Variants in DOK6 observed in about 807,000 individuals in gnomAD.
DOK6 encodes docking protein 6.
DOK6 carries 22 observed loss-of-function variants against 44.0 expected under a neutral mutation model. The ratio of observed to expected loss-of-function variants is 0.50; its 90% CI spans 0.36 to 0.71. The LOEUF (loss-of-function observed/expected upper bound fraction) is 0.71. Among genes scored for constraint, DOK6 ranks in the 30% least tolerant of loss-of-function variants. The pLI is 0.00. For missense variants in DOK6, 340 were observed against 416.4 expected (o/e 0.82, Z 1.60); for synonymous variants, 166 against 145.5 (o/e 1.14, Z -1.01).
At chr18:69,495,948 C>T (rs999456820) in intron 1 of DOK6, among the ~76,000 whole-genome samples, 1 of 152,176 alleles carries the variant, frequency 6.6e-6, no homozygotes, top group South Asian at 2.1e-4. Context: ...GAGATTTGAG[C>T]GGGTGCCGGG....
chr18:69,699,327 A>G (rs1986459739), intron 5 of DOK6, among the ~76,000 whole-genome samples: 1 of 152,208 alleles, frequency 6.6e-6, no homozygotes, highest in African/African-American at 2.4e-5. Context: ...AGGCAATTAT[A>G]GTGAAGTTTT....
At chr18:69,513,406 A>G (rs1355843399) in intron 1 of DOK6, among the ~76,000 whole-genome samples, 2 of 149,640 alleles carry the variant, frequency 1.3e-5, no homozygotes, top group Non-Finnish European at 3.0e-5. Flanking sequence ...TCTCTCTCAG[A>G]GTACAATCTA....
At chr18:69,566,378 C>T (rs530320740) in intron 2 of DOK6, among the ~76,000 whole-genome samples, 2 of 152,046 alleles carry the variant, frequency 1.3e-5, no homozygotes, top group South Asian at 2.1e-4. Context: ...CCTTGTGATC[C>T]GCCCGCCTCG....
In DOK6 at chr18:69,844,091, C is replaced by A. The variant is rs1982295587; in HGVS notation, c.*2708C>A. 6.6e-6 allele frequency: 1 copy of A among 152,162 alleles called. No individual in the cohort carries two copies. Among genetic ancestry groups the A allele is most frequent in the Non-Finnish European group, 1.5e-5 (1 of 68,042 alleles). 9.4% of individuals were successfully genotyped at this position (152,162 alleles called of 1,614,324 possible). ...ATTTCACTGGAGCAACCAGAAGGGT[C>A]ATGGAGATGTATACCACTCGCTTGG... On this transcript the variant is annotated 3_prime_UTR_variant, in exon 8 of 8. Transcript: ENST00000382713.
At chr18:69,824,195 C>A (rs1481104819) in intron 7 of DOK6, among the ~76,000 whole-genome samples, 1 of 26,554 alleles carries the variant, frequency 3.8e-5, no homozygotes, top group East Asian at 3.5e-3. Context: ...TCCCTCCCCC[C>A]TCCCCCCACC....
At chr18:69,494,564 T>C (rs537369052) in intron 1 of DOK6, among the ~76,000 whole-genome samples, 1 of 152,290 alleles carries the variant, frequency 6.6e-6, no homozygotes, top group South Asian at 2.1e-4. Flanking sequence ...CAAGGGAGAA[T>C]AGGGCATTTT....
intron 5 of DOK6, among the ~76,000 whole-genome samples, chr18:69,727,177 G>C (rs1202669447): frequency 2.0e-5 from 3 of 152,046 alleles, no homozygotes; most frequent in Admixed American, 6.6e-5. Context: ...TTTTATAAGG[G>C]CACTAATCCC....
At chr18:69,779,717 T>G (rs565404255) in intron 7 of DOK6, among the ~76,000 whole-genome samples, 1 of 151,296 alleles carries the variant, frequency 6.6e-6, no homozygotes, top group Non-Finnish European at 1.5e-5. Context: ...TGTGTGTGTG[T>G]GTGCATGTGT....
chr18:69,526,034 C>A (rs1400811487), intron 1 of DOK6, among the ~76,000 whole-genome samples: 2 of 152,058 alleles, frequency 1.3e-5, no homozygotes, highest in Non-Finnish European at 1.5e-5. Flanking sequence ...TACAACTACA[C>A]ATACTCCTAC....
chr18:69,509,710 T>C (rs34605277), intron 1 of DOK6, among the ~76,000 whole-genome samples: 24,787 of 150,638 alleles, frequency 0.16, 2,447 homozygotes, highest in Non-Finnish European at 0.22. Flanking sequence ...CTTTCATTTC[T>C]CCTTACCCCC....
chr18:69,744,309 CA>C (rs3050449), intron 6 of DOK6, among the ~76,000 whole-genome samples: 25,291 of 143,390 alleles, frequency 0.18, 2,402 homozygotes, highest in Admixed American at 0.26. Context: ...GACTCCGTAT[CA>C]AAAAAAAAAA....
rs199613374 is a variant in DOK6, at chr18:69,841,308, G to A, written c.921G>A (p.Gln307=). 2 of 1,614,174 alleles carry A rather than the reference G, an allele frequency of 1.2e-6. No homozygotes were observed. The highest frequency in any genetic ancestry group is 2.2e-5 in the East Asian group (1 of 44,866). Residue 307 remains glutamine, a synonymous_variant, in exon 8 of 8, where the codon CAG becomes CAA. Coordinates refer to ENST00000382713, the MANE Select transcript of DOK6 (RefSeq NM_152721.6). ...AQTFPSYAPE[Q]SEEAQQPLSR... is the part of the protein sequence containing the mutation. ...CATTTCCCAGCTACGCCCCAGAACA[G>A]AGTGAAGAGGCCCAGCAGCCGTTGT...
chr18:69,498,032 ATCTC>A (rs201017118), intron 1 of DOK6, among the ~76,000 whole-genome samples: 11 of 151,694 alleles, frequency 7.3e-5, no homozygotes, highest in Non-Finnish European at 1.3e-4. Flanking sequence ...TATTAAGCTT[ATCTC>A]TCTCTCTCCA....
chr18:69,487,919 A>G (rs1284878299), intron 1 of DOK6, among the ~76,000 whole-genome samples: 1 of 152,170 alleles, frequency 6.6e-6, no homozygotes, highest in Non-Finnish European at 1.5e-5. Flanking sequence ...GAGGGTCCCA[A>G]ACAGCCTTGA....
At chr18:69,439,151 T>C (rs533748852) in intron 1 of DOK6, among the ~76,000 whole-genome samples, 1 of 149,032 alleles carries the variant, frequency 6.7e-6, no homozygotes, top group Admixed American at 6.8e-5. Context: ...TGATCTGTAA[T>C]ATTTCAAAAG....
intron 1 of DOK6, among the ~76,000 whole-genome samples, chr18:69,546,067 T>G (rs981964625): frequency 2.6e-5 from 4 of 151,176 alleles, no homozygotes; most frequent in Admixed American, 2.6e-4. Flanking sequence ...CACTTAAGGT[T>G]GGGAGTTCGA....
chr18:69,579,294 T>C (rs1983309041), intron 2 of DOK6, among the ~76,000 whole-genome samples: 1 of 152,222 alleles, frequency 6.6e-6, no homozygotes, highest in East Asian at 1.9e-4. Context: ...TGCTTTTAAA[T>C]GCAACTATTT....
chr18:69,756,734 C>T (rs1979367248), intron 6 of DOK6, among the ~76,000 whole-genome samples: 1 of 152,140 alleles, frequency 6.6e-6, no homozygotes, highest in Non-Finnish European at 1.5e-5. Flanking sequence ...GAGGACCAGG[C>T]ACGGGGTGTG....
intron 1 of DOK6, among the ~76,000 whole-genome samples, chr18:69,543,885 G>A (rs535283715): frequency 4.0e-5 from 6 of 151,602 alleles, no homozygotes; most frequent in East Asian, 1.9e-4. Flanking sequence ...AAGAAATAAT[G>A]CAAGCAAAGA....
Sources: allele counts gnomAD v4.1 joint callset (sites outside exome capture counted in the v4.1 genomes callset), GRCh38; gene constraint gnomAD v4.1.1; transcripts MANE v1.5; gene names NCBI Gene and HGNC (gene_info 2026-07-23, HGNC 2026-07-21).